Variants in HCN2 observed in about 807,000 individuals in gnomAD.
HCN2 encodes the protein potassium/sodium hyperpolarization-activated cyclic nucleotide-gated channel 2.
HCN2 carries 20 observed loss-of-function variants against 52.3 expected under a neutral mutation model. The observed-to-expected ratio is 0.38, with a 90% CI of 0.27 to 0.56. HCN2 has a LOEUF of 0.56. Ranked by LOEUF, HCN2 falls within the 20% of genes least tolerant of loss-of-function variation. HCN2 has a pLI of 0.71. For synonymous variants in HCN2, 694 were observed against 537.0 expected, an observed-to-expected ratio of 1.29 and a Z score of -4.04; for missense variants, 981 against 1,207.7, an observed-to-expected ratio of 0.81 and a Z score of 2.78.
chr19:614,386 G>C (rs1265797690), intron 7 of HCN2, among the ~76,000 whole-genome samples: 5 of 152,188 alleles, frequency 3.3e-5, no homozygotes, highest in African/African-American at 4.8e-5. Context: ...GGACAGACCC[G>C]GGGGCCCACT....
rs1193136943 is a variant in HCN2 at position 591,036 on chromosome 19, G to A, written c.632+459G>A. ...CGTCCACCCGCGCCCCGCCTGCGAG[G>A]AGGCGCGCCCGGGGCCGCGGGCCTG... On this transcript the variant is annotated intron_variant, in intron 1 of 7. Transcript: ENST00000251287. This position sits in a 1 kb window ranked among gnomAD's most constrained non-coding sequence, Gnocchi z 4.1. 2.0e-5 allele frequency: 3 copies of A among 152,216 alleles called. No homozygotes were observed. The highest frequency in any genetic ancestry group is 7.2e-5 in the African/African-American group (3 of 41,440). The allele number at this position is 152,216 out of a possible 1,614,324, so 9.4% of individuals were successfully genotyped here. A position where few individuals can be genotyped will look rare whatever the true frequency, so the allele number is the denominator to read the frequency against.
chr19:609,000 C>G (rs1196624313), intron 4 of HCN2, among the ~76,000 whole-genome samples: 1 of 152,198 alleles, frequency 6.6e-6, no homozygotes, highest in Non-Finnish European at 1.5e-5. Context: ...ATGCACCACT[C>G]TGTGCCTCAG....
chr19:601,406 G>A (rs1258244790), intron 1 of HCN2, among the ~76,000 whole-genome samples: 2 of 152,238 alleles, frequency 1.3e-5, no homozygotes. Context: ...CCTTTTCGTG[G>A]CTGAGTCGTG....
chr19:604,877 G>T, intron 2 of HCN2, among the ~76,000 whole-genome samples, 184 bp from the exon 3 acceptor site: 1 of 126,990 alleles, frequency 7.9e-6, no homozygotes, highest in Non-Finnish European at 1.7e-5. Context: ...TGGGGTGGGG[G>T]CTGTGGGTTT....
intron 4 of HCN2, among the ~76,000 whole-genome samples, chr19:608,991 T>A (rs1335239213): frequency 6.6e-6 from 1 of 152,180 alleles, no homozygotes; most frequent in African/African-American, 2.4e-5. Context: ...TTGGGCCTCA[T>A]GCACCACTCT....
rs956719421 is a variant in HCN2, at chr19:592,398, G to T, written c.632+1821G>T. On this transcript the variant is annotated intron_variant, in intron 1 of 7. Transcript: ENST00000251287. The surrounding 1 kb of genome is among the most constrained non-coding windows in gnomAD (Gnocchi z 4.8). ...AGGTGGGCAGATGGCTGATCCCGGG[G>T]CTTGGGGGGAAGGCCGGTGGTAGGA... Among the ~76,000 whole-genome samples, 5 of 152,208 alleles carry T rather than the reference G, an allele frequency of 3.3e-5. No homozygotes were observed. The highest frequency in any genetic ancestry group is 1.2e-4 in the African/African-American group (5 of 41,458).
At chr19:594,398 C>T (rs1234261952) in intron 1 of HCN2, among the ~76,000 whole-genome samples, 2 of 152,164 alleles carry the variant, frequency 1.3e-5, no homozygotes, top group African/African-American at 4.8e-5. Flanking sequence ...CTGCCGTCTC[C>T]TGCTGCTGCT....
chr19:610,538 G>A, intron 5 of HCN2, 133 bp downstream of exon 5: 1 of 742,558 alleles, frequency 1.3e-6, no homozygotes, highest in Non-Finnish European at 2.2e-6. Context: ...AGCTAGACCT[G>A]CGTACACACC....
chr19:601,717 T>C (rs1983208976), intron 1 of HCN2, among the ~76,000 whole-genome samples: 1 of 152,064 alleles, frequency 6.6e-6, no homozygotes, highest in African/African-American at 2.4e-5. Flanking sequence ...CGAGTCGTTT[T>C]GATTTTCATT....
At chr19:601,429 CG>C (rs1211234165) in intron 1 of HCN2, among the ~76,000 whole-genome samples, 7 of 152,196 alleles carry the variant, frequency 4.6e-5, no homozygotes. Flanking sequence ...CCATGGTGGA[CG>C]GGTCGCGCCG....
chr19:599,624 A>C (rs1157610828), intron 1 of HCN2, among the ~76,000 whole-genome samples: 1 of 131,148 alleles, frequency 7.6e-6, no homozygotes, highest in Non-Finnish European at 1.7e-5. Flanking sequence ...CTAAAAATAC[A>C]AAAAAAAAAA....
At position 590,195 on chromosome 19, in the gene HCN2, C is replaced by A; in HGVS notation, c.250C>A (p.Arg84Ser). 1.0e-6 allele frequency: 1 copy of A among 982,066 alleles called. No homozygotes were observed. The highest frequency in any genetic ancestry group is 1.2e-4 in the East Asian group (1 of 8,568). 60.8% of individuals were successfully genotyped at this position (982,066 alleles called of 1,614,324 possible). A position where few individuals can be genotyped will look rare whatever the true frequency, so the allele number is the denominator to read the frequency against. ...CCGCAGCCGCGACAGCTCGTGCGGC[C>A]GCCCCGGCACCCCGGGCGCGGCGAG... The part of the protein sequence containing the change: ...RLRSRDSSCG[R>S]PGTPGAASTA... The change falls in exon 1 of 8, where the codon CGC (arginine) becomes AGC (serine). Residue 84 changes from arginine (R) to serine (S), a missense_variant. Physicochemically the swap from Arg to Ser is moderately radical, Grantham distance 110. Transcript: ENST00000251287. This position sits in a 1 kb window ranked among gnomAD's most constrained non-coding sequence, Gnocchi z 7.2.
rs549736191 is a variant in HCN2 at position 590,607 on chromosome 19, G to A, written c.632+30G>A. 5.2e-6 allele frequency: 7 copies of A among 1,353,400 alleles called. No homozygotes were observed. The African/African-American group carries it at 6.0e-5, about 12-fold the overall frequency. 83.8% of individuals were successfully genotyped at this position (1,353,400 alleles called of 1,614,324 possible). ...CGCCTCCGGGAGGGCCGGTCGGCGC[G>A]AGGGGGCCCGGGGAGCCGGGCGCGC... On this transcript the variant is annotated intron_variant, in intron 1 of 7. Coordinates refer to ENST00000251287, the MANE Select transcript of HCN2 (RefSeq NM_001194.4). This position sits in a 1 kb window ranked among gnomAD's most constrained non-coding sequence, Gnocchi z 7.2.
chr19:613,159 G>A (rs1449997148), intron 5 of HCN2, 89 bp from the exon 6 acceptor site: 4 of 1,472,570 alleles, frequency 2.7e-6, no homozygotes, highest in African/African-American at 1.4e-5. Context: ...GGAAACTGGG[G>A]TCCGAGAGGT....
chr19:610,653 G>A lies in HCN2; in HGVS notation c.1584+248G>A, dbSNP rs548502207. 2.0e-5 allele frequency among the ~76,000 whole-genome samples: 3 copies of A among 152,350 alleles called. No homozygotes were observed. The South Asian group carries it at 6.2e-4, about 32-fold the overall frequency. On this transcript the variant is annotated intron_variant, in intron 5 of 7. Coordinates refer to ENST00000251287, the MANE Select transcript of HCN2 (RefSeq NM_001194.4). The stretch of plus-strand genomic sequence containing the variant: ...GAACTGCCTGGGTCTGTGCCTGACA[G>A]GGCGGGGCAGAAGCAGGGCAGGGGG...
chr19:610,083 T>A (rs1290973405), intron 4 of HCN2, among the ~76,000 whole-genome samples, 176 bp from the exon 5 acceptor site: 3 of 149,316 alleles, frequency 2.0e-5, no homozygotes, highest in Non-Finnish European at 3.0e-5. Context: ...TGTGAAGGCC[T>A]ATCTCCCCGC....
At chr19:602,792 T>C (rs1983250866) in intron 1 of HCN2, among the ~76,000 whole-genome samples, 1 of 152,260 alleles carries the variant, frequency 6.6e-6, no homozygotes, top group African/African-American at 2.4e-5. Flanking sequence ...TGAGGTCTCC[T>C]GCATCTTCAA....
intron 2 of HCN2, 98 bp from the exon 3 acceptor site, chr19:604,963 G>GA: frequency 3.1e-6 from 4 of 1,288,286 alleles, no homozygotes; most frequent in Non-Finnish European, 4.2e-6. Context: ...TGGGGGAGGG[G>GA]GCCAGGAGCT....
At position 605,295 on chromosome 19, in the gene HCN2, C is replaced by A. The variant is rs1266128693; in HGVS notation, c.1218+73C>A. 3 of 1,425,248 alleles carry A rather than the reference C, an allele frequency of 2.1e-6. 1 individual carries two copies. The highest frequency in any genetic ancestry group is 1.9e-6 in the Non-Finnish European group (2 of 1,044,434). 88.3% of individuals were successfully genotyped at this position (1,425,248 alleles called of 1,614,324 possible). The stretch of plus-strand genomic sequence containing the variant: ...AGAGGGGGGACCCAGGCCCCCTTAT[C>A]CCGCTTACAGAGGGTTGAACCCAAG... On this transcript the variant is annotated intron_variant, in intron 3 of 7. Coordinates refer to ENST00000251287, the MANE Select transcript of HCN2 (RefSeq NM_001194.4).
Sources: allele counts gnomAD v4.1 joint callset (sites outside exome capture counted in the v4.1 genomes callset), GRCh38; gene constraint gnomAD v4.1.1; non-coding constraint Gnocchi (gnomAD v3.1); transcripts MANE v1.5; gene names NCBI Gene and HGNC (gene_info 2026-07-23, HGNC 2026-07-21).